The following BPNT1 variants were observed in gnomAD, a reference collection of about 807,000 sequenced individuals.
BPNT1 encodes 3'(2'), 5'-bisphosphate nucleotidase 1, also known as 3'(2'),5'-bisphosphate nucleotidase 1.
BPNT1 carries 28 observed loss-of-function variants against 36.9 expected under a neutral mutation model. The observed-to-expected ratio is 0.76, with a 90% CI of 0.56 to 1.04. BPNT1 has a LOEUF of 1.04. Among genes scored for constraint, BPNT1 ranks in the 50% least tolerant of loss-of-function variants. BPNT1 has a pLI of 0.00. For missense variants in BPNT1, 313 were observed against 372.9 expected, an observed-to-expected ratio of 0.84 and a Z score of 1.32; for synonymous variants, 119 against 130.9, an observed-to-expected ratio of 0.91 and a Z score of 0.62.
In BPNT1 at chr1:220,079,721, G is replaced by A. The variant is rs1397153825; in HGVS notation, c.120+6C>T. The A allele has an allele frequency of 6.2e-7, 1 of 1,613,766 alleles. No homozygotes were observed. The highest frequency in any genetic ancestry group is 1.7e-5 in the Admixed American group (1 of 59,938). ...TTGGTATGAAATGATATGAGAGTTT[G>A]AGTACCTTCTCCACAATACCCAGGT... is the stretch of plus-strand genomic sequence containing the variant. On this transcript the variant is annotated splice_donor_region_variant and intron_variant, in intron 2 of 8. Transcript: ENST00000322067.
At chr1:220,088,040 G>T (rs1034813598) in intron 1 of BPNT1, among the ~76,000 whole-genome samples, 6 of 151,846 alleles carry the variant, frequency 4.0e-5, no homozygotes, top group Admixed American at 6.6e-5. Flanking sequence ...TCCACACCTG[G>T]CTAATTTTGT....
intron 2 of BPNT1, among the ~76,000 whole-genome samples, 183 bp downstream of exon 2, chr1:220,079,544 G>A (rs1006410788): frequency 9.9e-5 from 15 of 152,162 alleles, no homozygotes; most frequent in African/African-American, 1.9e-4. Context: ...GAGCCACCAC[G>A]CCCGGCCTTG....
At chr1:220,070,835 G>A (rs1237863731) in intron 4 of BPNT1, among the ~76,000 whole-genome samples, 1 of 151,230 alleles carries the variant, frequency 6.6e-6, no homozygotes, top group African/African-American at 2.4e-5. Context: ...AAATCAGCAG[G>A]CCATAGATGT....
intron 1 of BPNT1, among the ~76,000 whole-genome samples, chr1:220,089,161 A>G (rs1220524621): frequency 1.3e-5 from 2 of 151,894 alleles, no homozygotes; most frequent in Admixed American, 6.6e-5. Context: ...AGAAGAAGAA[A>G]AAAGAAGAAA....
At position 220,058,534 on chromosome 1, in the gene BPNT1, G is replaced by T. The variant is rs554882925; in HGVS notation, c.*310C>A. On this transcript the variant is annotated 3_prime_UTR_variant, in exon 9 of 9. Transcript: ENST00000322067. ...AACTTTAAGTACTTTTTGGGTTTTT[G>T]TTTTTTTTTTTTCTGAGACAGGGCT... The T allele has an allele frequency of 9.1e-4, 777 of 851,562 alleles. 1 individual carries two copies. The Middle Eastern group carries it at 0.011, about 12-fold the overall frequency. The allele number at this position is 851,562 out of a possible 1,614,324, so 52.8% of individuals were successfully genotyped here.
chr1:220,065,208 G>C (rs921954807), intron 6 of BPNT1, among the ~76,000 whole-genome samples: 2 of 152,172 alleles, frequency 1.3e-5, no homozygotes, highest in Non-Finnish European at 2.9e-5. Flanking sequence ...AGGTCATATT[G>C]CCTCTGTAAA....
intron 2 of BPNT1, among the ~76,000 whole-genome samples, chr1:220,075,068 G>A (rs548903837): frequency 1.3e-5 from 2 of 152,248 alleles, no homozygotes; most frequent in South Asian, 4.1e-4. Flanking sequence ...TTTTGAGACG[G>A]AGTCTCACTC....
chr1:220,087,548 G>T (rs1655857534), intron 1 of BPNT1, among the ~76,000 whole-genome samples: 1 of 152,126 alleles, frequency 6.6e-6, no homozygotes, highest in South Asian at 2.1e-4. Flanking sequence ...GACAGAGCGA[G>T]ATTCCGTCTC....
Position 220,071,952 on chromosome 1 carries a change from G to T in BPNT1, c.333+898C>A, listed in dbSNP as rs1372395150. Reference sequence around the variant, plus strand: ...TCTGCCCGCCTCAGCCTCCCAAAGTGCTGGGATTATAGGCGTGAGCCACCA... The same window carrying T: ...TCTGCCCGCCTCAGCCTCCCAAAGTTCTGGGATTATAGGCGTGAGCCACCA... On this transcript the variant is annotated intron_variant, in intron 4 of 8. Transcript: ENST00000322067. 9.9e-5 allele frequency among the ~76,000 whole-genome samples: 15 copies of T among 152,074 alleles called. 1 individual carries two copies. Among genetic ancestry groups the T allele is most frequent in the African/African-American group, 2.4e-5 (1 of 41,404 alleles).
intron 2 of BPNT1, among the ~76,000 whole-genome samples, chr1:220,075,635 G>T (rs1214341752): frequency 6.6e-6 from 1 of 152,132 alleles, no homozygotes; most frequent in East Asian, 1.9e-4. Context: ...AAGACACATT[G>T]AAAGCCATTC....
chr1:220,088,602 C>A (rs1044991653), intron 1 of BPNT1, among the ~76,000 whole-genome samples: 6 of 151,292 alleles, frequency 4.0e-5, no homozygotes, highest in Admixed American at 4.0e-4. Context: ...CCAGCCTGGG[C>A]AACATGGCAA....
chr1:220,080,560 C>A (rs1252696796), intron 1 of BPNT1, among the ~76,000 whole-genome samples: 2 of 152,166 alleles, frequency 1.3e-5, no homozygotes, highest in Non-Finnish European at 2.9e-5. Flanking sequence ...ACACCTTCTT[C>A]ACAAGGTGGC....
At chr1:220,083,264 G>C (rs1411650726) in intron 1 of BPNT1, among the ~76,000 whole-genome samples, 1 of 150,674 alleles carries the variant, frequency 6.6e-6, no homozygotes, top group African/African-American at 2.4e-5. Flanking sequence ...ATTTATGTAA[G>C]GTAATGAATA....
At chr1:220,080,092 G>A (rs1664964970) in intron 1 of BPNT1, among the ~76,000 whole-genome samples, 1 of 152,152 alleles carries the variant, frequency 6.6e-6, no homozygotes, top group African/African-American at 2.4e-5. Flanking sequence ...ACATGTCAAA[G>A]CATAGGAGAA....
chr1:220,080,705 A>G (rs1322127184), intron 1 of BPNT1, among the ~76,000 whole-genome samples: 1 of 152,200 alleles, frequency 6.6e-6, no homozygotes, highest in African/African-American at 2.4e-5. Flanking sequence ...GATTATGAGG[A>G]TTACAATTTA....
intron 8 of BPNT1, 52 bp from the exon 9 acceptor site, chr1:220,059,044 G>A (rs924507732): frequency 1.3e-6 from 2 of 1,589,412 alleles, no homozygotes; most frequent in Non-Finnish European, 8.6e-7. Context: ...TTGGATTGTG[G>A]TTTTTCTAGT....
intron 2 of BPNT1, among the ~76,000 whole-genome samples, chr1:220,078,731 G>GT (rs1268824150): frequency 6.6e-6 from 1 of 151,680 alleles, no homozygotes; most frequent in African/African-American, 2.4e-5. Context: ...CTGAGTAGCT[G>GT]TGAGTATAGG....
rs578180892 is a variant in BPNT1, at chr1:220,077,885, C to T, written c.120+1842G>A. ...AGGCTATAATAAAGAAAGATTTAGG[C>T]GAAGTGTAATGGCTCATACCTGTAC... On this transcript the variant is annotated intron_variant, in intron 2 of 8. Transcript: ENST00000322067. Among the ~76,000 whole-genome samples the T allele has an allele frequency of 2.0e-5, 3 of 151,972 alleles. No individual in the cohort carries two copies. The South Asian group carries it at 6.2e-4, about 32-fold the overall frequency.
At chr1:220,069,211 C>T (rs1393946671) in intron 5 of BPNT1, among the ~76,000 whole-genome samples, 173 bp downstream of exon 5, 4 of 152,084 alleles carry the variant, frequency 2.6e-5, no homozygotes, top group East Asian at 1.9e-4. Flanking sequence ...ATTTTATTCT[C>T]CTGTCTTAAC....
Sources: gnomAD v4.1 joint callset for allele counts (sites outside exome capture counted in the v4.1 genomes callset) on GRCh38, gnomAD v4.1.1 for gene constraint, MANE v1.5 for transcripts, NCBI Gene and HGNC (gene_info 2026-07-23, HGNC 2026-07-21) for gene names.